NRF1: variants seen among roughly 807,000 people sequenced by gnomAD.
NRF1 encodes alpha palindromic-binding protein.
NRF1 carries 5 observed loss-of-function variants against 58.5 expected under a neutral mutation model. The ratio of observed to expected loss-of-function variants is 0.09; its 90% CI spans 0.04 to 0.18. The LOEUF is 0.18. Ranked by LOEUF, NRF1 falls within the 10% of genes least tolerant of loss-of-function variation. The pLI is 1.00. For synonymous variants in NRF1, 224 were observed against 246.7 expected (o/e 0.91, Z 0.86); for missense variants, 288 against 657.7 (o/e 0.44, Z 6.15).
At chr7:129,708,624 G>A (rs889171719) in intron 5 of NRF1, among the ~76,000 whole-genome samples, 2 of 152,062 alleles carry the variant, frequency 1.3e-5, no homozygotes, top group African/African-American at 4.8e-5. Context: ...TAGATATAAG[G>A]TGACTTCATC....
intron 1 of NRF1, among the ~76,000 whole-genome samples, chr7:129,625,131 C>A (rs921272729): frequency 6.6e-6 from 1 of 152,178 alleles, no homozygotes; most frequent in Admixed American, 6.5e-5. Flanking sequence ...CCTTTGGTGG[C>A]ATTCCTTGAC....
intron 5 of NRF1, among the ~76,000 whole-genome samples, chr7:129,705,940 T>TGA (rs34931265): frequency 0.14 from 19,772 of 145,258 alleles, 1,555 homozygotes; most frequent in Admixed American, 0.24. Context: ...GATCCGAGAG[T>TGA]GAGAGAGAGA....
intron 3 of NRF1, among the ~76,000 whole-genome samples, chr7:129,673,388 G>C (rs531939749): frequency 6.6e-6 from 1 of 152,274 alleles, no homozygotes; most frequent in Non-Finnish European, 1.5e-5. Context: ...TGATTTCAGA[G>C]GGAAGAGGCA....
chr7:129,671,341 G>A, intron 2 of NRF1, 88 bp from the exon 3 acceptor site: 1 of 723,332 alleles, frequency 1.4e-6, no homozygotes. Context: ...TAGGAAAGCA[G>A]TGCTACCTTT....
At chr7:129,628,596 G>A (rs1283613698) in intron 1 of NRF1, among the ~76,000 whole-genome samples, 2 of 152,202 alleles carry the variant, frequency 1.3e-5, no homozygotes, top group African/African-American at 4.8e-5. Context: ...AGAGAAGACA[G>A]CTGAAGTCTC....
chr7:129,687,218 A>C (rs1014098298), intron 4 of NRF1, among the ~76,000 whole-genome samples: 2 of 151,146 alleles, frequency 1.3e-5, no homozygotes, highest in African/African-American at 4.9e-5. Context: ...TTCTTTAAAA[A>C]GTGCTCTGTT....
At chr7:129,735,083 T>C in intron 10 of NRF1, 1 of 985,460 alleles carries the variant, frequency 1.0e-6, no homozygotes, top group Non-Finnish European at 1.2e-6. Context: ...CTACAGCCCT[T>C]GCTTGGGGTC....
At chr7:129,727,145 T>C (rs1446589747) in intron 9 of NRF1, 96 bp from the exon 10 acceptor site, 11 of 1,325,828 alleles carry the variant, frequency 8.3e-6, no homozygotes, top group African/African-American at 1.5e-5. Context: ...ATGGAGTCAG[T>C]AGAAAGACCC....
intron 1 of NRF1, among the ~76,000 whole-genome samples, chr7:129,617,587 T>C (rs546525485): frequency 2.3e-3 from 350 of 152,358 alleles, no homozygotes; most frequent in Non-Finnish European, 2.6e-3. Flanking sequence ...GGGCATGTAC[T>C]AGGTGCTAGA....
chr7:129,698,479 T>C (rs1385795743), intron 5 of NRF1, among the ~76,000 whole-genome samples: 1 of 152,134 alleles, frequency 6.6e-6, no homozygotes, highest in African/African-American at 2.4e-5. Flanking sequence ...TATTTTAGAA[T>C]TGGAGGAGGT....
chr7:129,637,850 A>AT (rs35768048), intron 1 of NRF1, among the ~76,000 whole-genome samples: 42,197 of 151,214 alleles, frequency 0.28, 7,238 homozygotes, highest in Non-Finnish European at 0.39. Flanking sequence ...ACATTATGAG[A>AT]TTTTTTTGTG....
rs1426815249 is a variant in NRF1, at chr7:129,742,832, CAG to C, written c.1349-12184_1349-12183del. Among the ~76,000 whole-genome samples the C allele has an allele frequency of 2.6e-5, 4 of 152,282 alleles. No individual in the cohort carries two copies. The East Asian group carries it at 7.7e-4, about 29-fold the overall frequency. ...TCTGGCTATTTAAACTTAATTAAAA[CAG>C]AATAAAATTTAAAAATCAGTTCCTC... On this transcript the variant is annotated intron_variant, in intron 10 of 10. Transcript: ENST00000393232.
At position 129,690,408 on chromosome 7, in the gene NRF1, G is replaced by T; in HGVS notation, c.468G>T (p.Val156=). The change falls in exon 5 of 11, where the codon GTG becomes GTT. Residue 156 remains valine, a splice_region_variant and synonymous_variant. Transcript: ENST00000393232. ...VFGAAPLENV[V]RKYKSMILED... is the part of the protein sequence containing the mutation. ...CTTCTGCCCTTAATTCCCTGCAGGT[G>T]CGTAAGTACAAGAGCATGATCCTGG... 1 of 1,612,648 alleles carries T rather than the reference G, an allele frequency of 6.2e-7. No individual in the cohort carries two copies. Among genetic ancestry groups the T allele is most frequent in the Non-Finnish European group, 8.5e-7 (1 of 1,179,274 alleles).
intron 9 of NRF1, among the ~76,000 whole-genome samples, chr7:129,721,545 G>A (rs1337709903): frequency 6.7e-6 from 1 of 149,982 alleles, no homozygotes; most frequent in East Asian, 2.0e-4. Flanking sequence ...GCAGTGGCGC[G>A]ATCTCGGCTC....
intron 1 of NRF1, among the ~76,000 whole-genome samples, chr7:129,632,228 C>G (rs1347318853): frequency 2.0e-5 from 3 of 152,062 alleles, no homozygotes; most frequent in Non-Finnish European, 4.4e-5. Flanking sequence ...GAGGTGTGAT[C>G]ATGCCACTGC....
At chr7:129,653,543 C>T (rs749826741) in intron 1 of NRF1, among the ~76,000 whole-genome samples, 1 of 152,178 alleles carries the variant, frequency 6.6e-6, no homozygotes. Context: ...TGGTATTGTA[C>T]ATTCTATGGA....
intron 1 of NRF1, among the ~76,000 whole-genome samples, chr7:129,620,534 GCC>G (rs1554401671): frequency 1.3e-5 from 2 of 151,834 alleles, no homozygotes; most frequent in Non-Finnish European, 2.9e-5. Flanking sequence ...GATTACAGGC[GCC>G]TGCCACCATG....
chr7:129,737,925 C>T (rs1196914066), intron 10 of NRF1, among the ~76,000 whole-genome samples: 1 of 152,178 alleles, frequency 6.6e-6, no homozygotes, highest in Non-Finnish European at 1.5e-5. Flanking sequence ...CCCTAAGCAA[C>T]TGTTTTTTGT....
intron 1 of NRF1, among the ~76,000 whole-genome samples, chr7:129,617,484 C>T (rs1431572529): frequency 1.3e-5 from 2 of 152,160 alleles, no homozygotes; most frequent in African/African-American, 4.8e-5. Flanking sequence ...AGCATTCTCT[C>T]CATTAAGAAA....
Sources: allele counts gnomAD v4.1 joint callset (sites outside exome capture counted in the v4.1 genomes callset), GRCh38; gene constraint gnomAD v4.1.1; transcripts MANE v1.5; gene names NCBI Gene and HGNC (gene_info 2026-07-23, HGNC 2026-07-21).